The following ROCK2 variants were observed in gnomAD, a reference collection of about 807,000 sequenced individuals.
ROCK2 encodes Rho associated coiled-coil containing protein kinase 2.
ROCK2 carries 61 observed loss-of-function variants against 195.1 expected under a neutral mutation model. The ratio of observed to expected loss-of-function variants is 0.31; its 90% CI spans 0.25 to 0.39. The LOEUF is 0.39. Among genes scored for constraint, ROCK2 ranks in the 10% least tolerant of loss-of-function variants. The pLI, the probability that ROCK2 is intolerant of heterozygous loss-of-function variation, is 1.00. For missense variants in ROCK2, 1,109 were observed against 1,637.4 expected (o/e 0.68, Z 5.57); for synonymous variants, 504 against 545.5 (o/e 0.92, Z 1.06).
intron 3 of ROCK2, among the ~76,000 whole-genome samples, chr2:11,269,050 A>G (rs1354923475): frequency 6.6e-6 from 1 of 151,674 alleles, no homozygotes; most frequent in Non-Finnish European, 1.5e-5. Context: ...GACTCCTTTT[A>G]GTGTTTTTTA....
At position 11,214,884 on chromosome 2, in the gene ROCK2, C is replaced by T; in HGVS notation, c.1892G>A (p.Arg631Lys). Residue 631 changes from arginine to lysine, a missense_variant, in exon 16 of 33, where the codon AGG becomes AAG. Coordinates refer to ENST00000315872, the MANE Select transcript of ROCK2 (RefSeq NM_004850.5). ...INLQSALESE[R>K]RDRTHGSEII... ...CTCTGATCCATGGGTTCGATCCCTC[C>T]TTTCAGATTCTAGAGCTGACTGAAG... 6.2e-7 allele frequency: 1 copy of T among 1,613,512 alleles called. No individual in the cohort carries two copies. The highest frequency in any genetic ancestry group is 8.5e-7 in the Non-Finnish European group (1 of 1,179,886).
Position 11,182,585 on chromosome 2 carries a change from T to C in ROCK2, c.*852A>G, listed in dbSNP as rs554873121. 1 of 152,612 alleles carries C rather than the reference T, an allele frequency of 6.6e-6. No individual in the cohort carries two copies. The highest frequency in any genetic ancestry group is 6.5e-5 in the Admixed American group (1 of 15,304). The allele number at this position is 152,612 out of a possible 1,614,324, so 9.5% of individuals were successfully genotyped here. On this transcript the variant is annotated 3_prime_UTR_variant, in exon 33 of 33. Transcript: ENST00000315872. The stretch of plus-strand genomic sequence containing the variant: ...TGATATAACTATTTATGTGTAAAAA[T>C]AGTGCACGATTTATCTTCCACAAAG...
rs5829298 is a variant in ROCK2, at chr2:11,328,313, GA to G, written c.141+15682del. 7.6e-3 allele frequency among the ~76,000 whole-genome samples: 1,164 copies of G among 152,294 alleles called. 16 individuals carry two copies. The highest frequency in any genetic ancestry group is 0.025 in the African/African-American group (1,043 of 41,560). Reference sequence around the variant, plus strand: ...AAATAATATGCTACATTTGGGGGGGGAAACAGGCTAATATCAGAGGGTTGAT... The same window carrying G: ...AAATAATATGCTACATTTGGGGGGGGAACAGGCTAATATCAGAGGGTTGAT... On this transcript the variant is annotated intron_variant, in intron 1 of 32. Transcript: ENST00000315872.
At chr2:11,325,119 A>T (rs901989330) in intron 1 of ROCK2, among the ~76,000 whole-genome samples, 17 of 152,252 alleles carry the variant, frequency 1.1e-4, no homozygotes, top group African/African-American at 3.9e-4. Flanking sequence ...AATACAGCTG[A>T]CCCTTAACAT....
At chr2:11,271,274 T>C (rs1319274758) in intron 3 of ROCK2, among the ~76,000 whole-genome samples, 1 of 152,216 alleles carries the variant, frequency 6.6e-6, no homozygotes, top group Non-Finnish European at 1.5e-5. Flanking sequence ...ATATTCACTG[T>C]GAGACTCTGG....
intron 32 of ROCK2, among the ~76,000 whole-genome samples, chr2:11,187,729 T>C (rs563556291): frequency 6.6e-6 from 1 of 152,350 alleles, no homozygotes; most frequent in East Asian, 1.9e-4. Context: ...GGGTAGTTGA[T>C]CTTTGGCTTT....
intron 25 of ROCK2, 37 bp downstream of exon 25, chr2:11,198,454 A>C (rs773254243): frequency 7.1e-7 from 1 of 1,414,576 alleles, no homozygotes; most frequent in East Asian, 2.3e-5. Flanking sequence ...AAACTGAGAC[A>C]AAATTCAAAA....
intron 3 of ROCK2, among the ~76,000 whole-genome samples, chr2:11,263,363 A>G (rs570208238): frequency 4.6e-5 from 7 of 152,322 alleles, no homozygotes; most frequent in Admixed American, 1.3e-4. Flanking sequence ...AACTCCAGAT[A>G]TGATCTGGTT....
At chr2:11,258,794 G>A (rs1666124649) in intron 3 of ROCK2, among the ~76,000 whole-genome samples, 1 of 151,014 alleles carries the variant, frequency 6.6e-6, no homozygotes, top group Non-Finnish European at 1.5e-5. Context: ...TAAGTCTAGG[G>A]CTAAGGTATA....
intron 1 of ROCK2, among the ~76,000 whole-genome samples, chr2:11,296,893 G>A (rs73915155): frequency 0.023 from 3,435 of 152,180 alleles, 59 homozygotes; most frequent in East Asian, 0.053. Context: ...TGTTATGAAT[G>A]TACTTATGTT....
At position 11,256,369 on chromosome 2, in the gene ROCK2, G is replaced by C. The variant is rs995727926; in HGVS notation, c.325-6571C>G. ...TATGGCATTCTCCCTCTTTGTTCTCGTCTTCCTTCTCTGGCCACGTAAGAC... is the reference window on the plus strand; with the variant it reads ...TATGGCATTCTCCCTCTTTGTTCTCCTCTTCCTTCTCTGGCCACGTAAGAC... On this transcript the variant is annotated intron_variant, in intron 3 of 32. Coordinates refer to ENST00000315872, the MANE Select transcript of ROCK2 (RefSeq NM_004850.5). 2.6e-5 allele frequency among the ~76,000 whole-genome samples: 4 copies of C among 150,968 alleles called. 1 individual carries two copies. Among genetic ancestry groups the C allele is most frequent in the African/African-American group, 9.9e-5 (4 of 40,416 alleles).
intron 3 of ROCK2, among the ~76,000 whole-genome samples, chr2:11,268,907 G>C (rs1572338165): frequency 6.6e-6 from 1 of 151,986 alleles, no homozygotes; most frequent in East Asian, 1.9e-4. Flanking sequence ...TGTTCTATTT[G>C]AATGTGTCCT....
intron 1 of ROCK2, among the ~76,000 whole-genome samples, chr2:11,309,344 A>G (rs902269955): frequency 4.6e-5 from 7 of 152,152 alleles, no homozygotes; most frequent in Admixed American, 4.6e-4. Flanking sequence ...TATCCTCTAG[A>G]GGTCCTAGAA....
chr2:11,185,079 G>C (rs1663143001), intron 32 of ROCK2, among the ~76,000 whole-genome samples: 1 of 152,176 alleles, frequency 6.6e-6, no homozygotes, highest in Non-Finnish European at 1.5e-5. Flanking sequence ...TAACCATCCT[G>C]ATGCCCAGTT....
chr2:11,192,859 T>C lies in ROCK2; in HGVS notation c.3688-147A>G. On this transcript the variant is annotated intron_variant, in intron 30 of 32. Coordinates refer to ENST00000315872, the MANE Select transcript of ROCK2 (RefSeq NM_004850.5). This position sits in a 1 kb window ranked among gnomAD's most constrained non-coding sequence, Gnocchi z 5.0. ...CTGAAGTACAAACTTAAGCTCTTGA[T>C]TACGCAAACTTAATCAAGAGCTTAT... The C allele has an allele frequency of 1.1e-6, 1 of 925,978 alleles. No homozygotes were observed. The highest frequency in any genetic ancestry group is 1.7e-5 in the African/African-American group (1 of 59,928). The allele number at this position is 925,978 out of a possible 1,614,324, so 57.4% of individuals were successfully genotyped here. A position where few individuals can be genotyped will look rare whatever the true frequency, so the allele number is the denominator to read the frequency against.
intron 1 of ROCK2, among the ~76,000 whole-genome samples, chr2:11,306,853 G>A (rs575728773): frequency 2.6e-4 from 39 of 152,268 alleles, no homozygotes; most frequent in Middle Eastern, 6.8e-3. Flanking sequence ...CCAACACCAT[G>A]TGGGAAATAC....
At chr2:11,338,478 C>A (rs1295307302) in intron 1 of ROCK2, among the ~76,000 whole-genome samples, 1 of 152,028 alleles carries the variant, frequency 6.6e-6, no homozygotes, top group Non-Finnish European at 1.5e-5. Flanking sequence ...AATACAGTAT[C>A]GTATTAGGCA....
At chr2:11,282,485 GA>G (rs1353284420) in intron 3 of ROCK2, among the ~76,000 whole-genome samples, 1 of 151,554 alleles carries the variant, frequency 6.6e-6, no homozygotes, top group Non-Finnish European at 1.5e-5. Context: ...ATAGATCAAT[GA>G]AACAGAATAG....
rs1663543514 is a variant in ROCK2, at chr2:11,194,349, TAAAAC to T, written c.3520-10_3520-6del. The stretch of plus-strand genomic sequence containing the variant: ...CTTACTGCTTACAATCACATACTGT[TAAAAC>T]AGGGAGAAAAGAAATCAGTAATTCA... On this transcript the variant is annotated splice_polypyrimidine_tract_variant and splice_region_variant and intron_variant, in intron 28 of 32. Coordinates refer to ENST00000315872, the MANE Select transcript of ROCK2 (RefSeq NM_004850.5). 3.1e-6 allele frequency: 4 copies of T among 1,271,772 alleles called. No homozygotes were observed. Among genetic ancestry groups the T allele is most frequent in the Non-Finnish European group, 4.3e-6 (4 of 934,144 alleles). The allele number at this position is 1,271,772 out of a possible 1,614,324, so 78.8% of individuals were successfully genotyped here.
Sources: allele counts gnomAD v4.1 joint callset (sites outside exome capture counted in the v4.1 genomes callset), GRCh38; gene constraint gnomAD v4.1.1; non-coding constraint Gnocchi (gnomAD v3.1); transcripts MANE v1.5; gene names NCBI Gene and HGNC (gene_info 2026-07-23, HGNC 2026-07-21).